Variants in FHL5 observed in about 807,000 individuals in gnomAD.
FHL5 encodes four and a half LIM domains protein 5.
Under a neutral mutation model 32.0 loss-of-function variants are expected in FHL5, and 33 were observed. The observed-to-expected ratio is 1.03, with a 90% CI of 0.78 to 1.38. FHL5 has a LOEUF of 1.38. FHL5 is among the 40% of genes most tolerant of loss of function. The pLI, the probability that FHL5 is intolerant of heterozygous loss-of-function variation, is 0.00. For synonymous variants in FHL5, 114 were observed against 113.6 expected, an observed-to-expected ratio of 1.00 and a Z score of -0.02; for missense variants, 336 against 343.9, an observed-to-expected ratio of 0.98 and a Z score of 0.18.
chr6:96,564,869 G>T (rs1050842382), intron 1 of FHL5, among the ~76,000 whole-genome samples: 6 of 152,050 alleles, frequency 3.9e-5, no homozygotes, highest in African/African-American at 1.4e-4. Context: ...TACCCTGAAA[G>T]CTCATTGAAG....
chr6:96,581,607 C>T (rs1770698172), intron 1 of FHL5, among the ~76,000 whole-genome samples: 1 of 152,082 alleles, frequency 6.6e-6, no homozygotes, highest in South Asian at 2.1e-4. Context: ...TTGCACTTGC[C>T]ATTTCATGCA....
intron 2 of FHL5, among the ~76,000 whole-genome samples, chr6:96,604,151 A>G (rs1324475216): frequency 6.6e-6 from 1 of 152,168 alleles, no homozygotes; most frequent in African/African-American, 2.4e-5. Flanking sequence ...GAAAGGATTC[A>G]AAATCTGTTT....
Position 96,602,426 on chromosome 6 carries a change from C to CT in FHL5, c.-12-1138dup, listed in dbSNP as rs1168636713. Among the ~76,000 whole-genome samples the CT allele has an allele frequency of 7.7e-3, 259 of 33,680 alleles. 92 individuals carry two copies. Among genetic ancestry groups the CT allele is most frequent in the Non-Finnish European group, 0.011 (168 of 15,320 alleles). 22.1% of individuals were successfully genotyped at this position (33,680 alleles called of 152,430 possible). A position where few individuals can be genotyped will look rare whatever the true frequency, so the allele number is the denominator to read the frequency against. ...ACCTGGAAATCTATATGCGTTGTTT[C>CT]TTTTTTTTTTTTTTTTTTTTTTTTT... On this transcript the variant is annotated intron_variant, in intron 1 of 5. Coordinates refer to ENST00000450218, the MANE Select transcript of FHL5 (RefSeq NM_001322466.2).
chr6:96,615,531 C>T (rs1281460070), intron 5 of FHL5, 78 bp from the exon 6 acceptor site: 2 of 1,223,568 alleles, frequency 1.6e-6, no homozygotes, highest in Non-Finnish European at 2.3e-6. Flanking sequence ...ATCTCCAGTT[C>T]CTAGAGGAGC....
At chr6:96,606,156 ATTATG>A (rs1771274011) in intron 4 of FHL5, 85 bp downstream of exon 4, 16 of 1,121,502 alleles carry the variant, frequency 1.4e-5, no homozygotes, top group Non-Finnish European at 1.8e-5. Context: ...AACTGATACT[ATTATG>A]TTATATCTGT....
intron 1 of FHL5, among the ~76,000 whole-genome samples, chr6:96,602,985 G>C (rs1771187013): frequency 6.6e-6 from 1 of 151,840 alleles, no homozygotes; most frequent in Non-Finnish European, 1.5e-5. Flanking sequence ...GCAGAAAACA[G>C]AGATTTTGGA....
intron 1 of FHL5, among the ~76,000 whole-genome samples, chr6:96,570,308 C>A (rs1302798749): frequency 6.6e-6 from 1 of 152,188 alleles, no homozygotes; most frequent in South Asian, 2.1e-4. Context: ...TAACTCTATT[C>A]TCTCCTCGCC....
chr6:96,573,328 C>CT, intron 1 of FHL5, among the ~76,000 whole-genome samples: 1 of 151,960 alleles, frequency 6.6e-6, no homozygotes, highest in Non-Finnish European at 1.5e-5. Context: ...TTTCTTTAAG[C>CT]TTTTTTGTCA....
rs146306082 is a variant in FHL5, at chr6:96,583,613, G to A, written c.-12-19989G>A. Among the ~76,000 whole-genome samples, 268 of 152,194 alleles carry A rather than the reference G, an allele frequency of 1.8e-3. 1 individual carries two copies. Among genetic ancestry groups the A allele is most frequent in the African/African-American group, 5.7e-3 (235 of 41,538 alleles). On this transcript the variant is annotated intron_variant, in intron 1 of 5. Transcript: ENST00000450218. Reference sequence around the variant, plus strand: ...TGTTAGTGGAAGCTCATTGGTGCCCGAAGTTTAGAGAAAAGCCCTTTAATC... The same window carrying A: ...TGTTAGTGGAAGCTCATTGGTGCCCAAAGTTTAGAGAAAAGCCCTTTAATC...
At chr6:96,608,369 G>T (rs1455169769) in intron 4 of FHL5, among the ~76,000 whole-genome samples, 3 of 152,074 alleles carry the variant, frequency 2.0e-5, no homozygotes, top group Non-Finnish European at 4.4e-5. Context: ...TGACATGCCA[G>T]ATTATTTTTT....
chr6:96,574,365 C>T (rs1293050967), intron 1 of FHL5, among the ~76,000 whole-genome samples: 1 of 152,136 alleles, frequency 6.6e-6, no homozygotes, highest in Non-Finnish European at 1.5e-5. Context: ...CTTTAGTCTT[C>T]AAAATTACTC....
At position 96,617,657 on chromosome 6, in the gene FHL5, A is replaced by G. The variant is rs1286516608; in HGVS notation, c.*1885A>G. ...CATTACACATAGAGAAAACCAAGCC[A>G]CTTAGGTTTAGATAGATATATAACA... is the stretch of plus-strand genomic sequence containing the variant. On this transcript the variant is annotated 3_prime_UTR_variant, in exon 6 of 6. Transcript: ENST00000450218. 6.6e-6 allele frequency among the ~76,000 whole-genome samples: 1 copy of G among 152,188 alleles called. No homozygotes were observed.
chr6:96,590,780 T>G (rs1484607978), intron 1 of FHL5, among the ~76,000 whole-genome samples: 2 of 152,008 alleles, frequency 1.3e-5, no homozygotes, highest in African/African-American at 2.4e-5. Context: ...TTGTTAAGAG[T>G]TTTTAATCAT....
At chr6:96,592,069 G>A (rs368396262) in intron 1 of FHL5, among the ~76,000 whole-genome samples, 6 of 151,998 alleles carry the variant, frequency 3.9e-5, no homozygotes, top group African/African-American at 7.2e-5. Context: ...ATGAAGTTTC[G>A]GGCACCACTG....
intron 1 of FHL5, among the ~76,000 whole-genome samples, chr6:96,573,113 C>T (rs1447854392): frequency 3.3e-5 from 5 of 152,106 alleles, no homozygotes; most frequent in Admixed American, 2.0e-4. Context: ...ACATGTAATT[C>T]ATTCATTCAT....
intron 1 of FHL5, among the ~76,000 whole-genome samples, chr6:96,565,960 A>G (rs1328330393): frequency 6.6e-6 from 1 of 152,062 alleles, no homozygotes; most frequent in Non-Finnish European, 1.5e-5. Flanking sequence ...AAATCAGGGT[A>G]AATAGCATAT....
rs968630231 is a variant in FHL5 at position 96,616,474 on chromosome 6, G to A, written c.*702G>A. The A allele has an allele frequency of 6.6e-6, 1 of 152,144 alleles. No individual in the cohort carries two copies. Among genetic ancestry groups the A allele is most frequent in the African/African-American group, 2.4e-5 (1 of 41,432 alleles). 9.4% of individuals were successfully genotyped at this position (152,144 alleles called of 1,614,324 possible). ...CTACCTAGGGATAGCCAAAGCATGG[G>A]TTTCAACACGTTTTGTATTAAATAT... On this transcript the variant is annotated 3_prime_UTR_variant, in exon 6 of 6. Transcript: ENST00000450218.
chr6:96,604,185 T>G (rs1276290386), intron 2 of FHL5, among the ~76,000 whole-genome samples: 1 of 152,122 alleles, frequency 6.6e-6, no homozygotes, highest in Non-Finnish European at 1.5e-5. Flanking sequence ...CAGCTTCATT[T>G]CTTACTAAAC....
At chr6:96,591,257 T>C (rs947313895) in intron 1 of FHL5, among the ~76,000 whole-genome samples, 1 of 152,166 alleles carries the variant, frequency 6.6e-6, no homozygotes, top group African/African-American at 2.4e-5. Flanking sequence ...TATCTAATAG[T>C]TGTCATAATT....
Sources: gnomAD v4.1 joint callset for allele counts (sites outside exome capture counted in the v4.1 genomes callset) on GRCh38, gnomAD v4.1.1 for gene constraint, MANE v1.5 for transcripts, NCBI Gene and HGNC (gene_info 2026-07-23, HGNC 2026-07-21) for gene names.